Variants in RMND5A observed in about 807,000 individuals in gnomAD.
RMND5A encodes the protein required for meiotic nuclear division 5 homolog A, also known as E3 ubiquitin-protein transferase RMND5A.
RMND5A carries 17 observed loss-of-function variants against 49.7 expected under a neutral mutation model. The ratio of observed to expected loss-of-function variants is 0.34; its 90% confidence interval spans 0.23 to 0.51. RMND5A has a LOEUF of 0.51. Ranked by LOEUF, RMND5A falls within the 20% of genes least tolerant of loss-of-function variation. The pLI is 0.96. For missense variants in RMND5A, 255 were observed against 471.3 expected (o/e 0.54, Z 4.25); for synonymous variants, 156 against 167.7 (o/e 0.93, Z 0.54).
intron 4 of RMND5A, among the ~76,000 whole-genome samples, chr2:86,759,722 C>G (rs1681814176): frequency 6.8e-6 from 1 of 147,794 alleles, no homozygotes; most frequent in African/African-American, 2.5e-5. Context: ...ATCACTTGAA[C>G]CCGGGAGGCA....
At chr2:86,758,377 G>A (rs1449634022) in intron 4 of RMND5A, among the ~76,000 whole-genome samples, 1 of 144,910 alleles carries the variant, frequency 6.9e-6, no homozygotes, top group Non-Finnish European at 1.5e-5. Flanking sequence ...TTTTTTTTTT[G>A]GTGGCTGCTT....
At chr2:86,758,364 A>G (rs1426113446) in intron 4 of RMND5A, among the ~76,000 whole-genome samples, 2 of 143,870 alleles carry the variant, frequency 1.4e-5, no homozygotes, top group Non-Finnish European at 3.1e-5. Context: ...ATATAGAACT[A>G]TTTTTTTTTT....
chr2:86,758,117 T>C (rs1681777085), intron 4 of RMND5A, among the ~76,000 whole-genome samples: 1 of 151,966 alleles, frequency 6.6e-6, no homozygotes, highest in Admixed American at 6.6e-5. Context: ...GAGTCAGCAT[T>C]AAGTATCCCA....
At chr2:86,760,938 T>C (rs892576074) in intron 4 of RMND5A, among the ~76,000 whole-genome samples, 8 of 151,284 alleles carry the variant, frequency 5.3e-5, no homozygotes, top group Non-Finnish European at 1.2e-4. Context: ...ATGGAACATT[T>C]ACTTCTACTT....
In RMND5A at chr2:86,773,555, T is replaced by C. The variant is rs1432444214; in HGVS notation, c.*144T>C. ...CAGAAACTTTGCCAACCTGTTAGTGTACACACACTGAGGGGAGTGCTCCCG... is the reference window on the plus strand; with the variant it reads ...CAGAAACTTTGCCAACCTGTTAGTGCACACACACTGAGGGGAGTGCTCCCG... On this transcript the variant is annotated 3_prime_UTR_variant, in exon 9 of 9. Transcript: ENST00000283632. 2.7e-5 allele frequency: 15 copies of C among 555,132 alleles called. No homozygotes were observed. In the Admixed American group the frequency reaches 3.5e-4, roughly 13 times the overall value. The allele number at this position is 555,132 out of a possible 1,614,324, so 34.4% of individuals were successfully genotyped here.
At chr2:86,765,606 A>G in intron 5 of RMND5A, 1 of 410,208 alleles carries the variant, frequency 2.4e-6, no homozygotes, top group Non-Finnish European at 4.4e-6. Context: ...TCTCTAGGTA[A>G]TGGTAATTAT....
intron 6 of RMND5A, among the ~76,000 whole-genome samples, chr2:86,768,270 A>G (rs1672633423): frequency 6.6e-6 from 1 of 152,216 alleles, no homozygotes; most frequent in Admixed American, 6.5e-5. Context: ...ACTCTTTTTT[A>G]GCTCTTCTAT....
At position 86,720,408 on chromosome 2, in the gene RMND5A, C is replaced by T. The variant is rs1262584531; in HGVS notation, c.-260C>T. On this transcript the variant is annotated 5_prime_UTR_variant, in exon 1 of 9. Transcript: ENST00000283632. Reference sequence around the variant, plus strand: ...AGGCACCCGAACGTCGCGAGCGGGGCCTGGGGACGCGGAGCCGAGTGCAGC... The same window carrying T: ...AGGCACCCGAACGTCGCGAGCGGGGTCTGGGGACGCGGAGCCGAGTGCAGC... 3 of 174,562 alleles carry T rather than the reference C, an allele frequency of 1.7e-5. No homozygotes were observed. The East Asian group carries it at 4.9e-4, about 29-fold the overall frequency. The allele number at this position is 174,562 out of a possible 1,614,324, so 10.8% of individuals were successfully genotyped here. A position where few individuals can be genotyped will look rare whatever the true frequency, so the allele number is the denominator to read the frequency against.
intron 4 of RMND5A, among the ~76,000 whole-genome samples, chr2:86,762,730 A>G (rs1672524595): frequency 1.8e-5 from 1 of 55,648 alleles, no homozygotes; most frequent in Admixed American, 2.1e-4. Context: ...TATATATCAT[A>G]TATATCATAT....
chr2:86,746,152 T>C (rs1160578494), intron 2 of RMND5A, among the ~76,000 whole-genome samples: 1 of 152,194 alleles, frequency 6.6e-6, no homozygotes, highest in Non-Finnish European at 1.5e-5. Context: ...TGGTATGTGA[T>C]AAACAAGGTC....
chr2:86,777,804 A>G lies in RMND5A; in HGVS notation c.*4393A>G, dbSNP rs1265122923. The G allele has an allele frequency of 6.6e-6, 1 of 152,198 alleles. No homozygotes were observed. Among genetic ancestry groups the G allele is most frequent in the South Asian group, 2.1e-4 (1 of 4,826 alleles). The allele number at this position is 152,198 out of a possible 1,614,324, so 9.4% of individuals were successfully genotyped here. ...TAACAATAAACCTTATTTAACACAA[A>G]CCACATCCATATCCTCTGTTCATTT... On this transcript the variant is annotated 3_prime_UTR_variant, in exon 9 of 9. Coordinates refer to ENST00000283632, the MANE Select transcript of RMND5A (RefSeq NM_022780.4).
chr2:86,752,117 C>A, intron 3 of RMND5A, 87 bp downstream of exon 3: 2 of 1,163,616 alleles, frequency 1.7e-6, no homozygotes, highest in Non-Finnish European at 2.4e-6. Flanking sequence ...GGTTTTGAGT[C>A]TTCCTCTAGC....
At chr2:86,761,346 G>A (rs1005429569) in intron 4 of RMND5A, among the ~76,000 whole-genome samples, 2 of 152,168 alleles carry the variant, frequency 1.3e-5, no homozygotes, top group Non-Finnish European at 2.9e-5. Flanking sequence ...AGGCAGCTGC[G>A]GAGAGTGACT....
chr2:86,761,669 G>A (rs181061735), intron 4 of RMND5A, among the ~76,000 whole-genome samples: 6 of 152,300 alleles, frequency 3.9e-5, no homozygotes, highest in East Asian at 3.9e-4. Flanking sequence ...TTTCAGAATA[G>A]GATGCAAAGA....
intron 4 of RMND5A, among the ~76,000 whole-genome samples, chr2:86,764,154 C>G (rs1386400872): frequency 6.6e-6 from 1 of 152,110 alleles, no homozygotes; most frequent in East Asian, 1.9e-4. Context: ...TATTCTTACC[C>G]AGTTCAGATT....
At chr2:86,748,208 A>G (rs1041218457) in intron 2 of RMND5A, 1 of 152,220 alleles carries the variant, frequency 6.6e-6, no homozygotes, top group African/African-American at 2.4e-5. Context: ...GCTCTGATGC[A>G]ACAGTGAGTA....
intron 4 of RMND5A, among the ~76,000 whole-genome samples, chr2:86,755,381 C>T (rs13004867): frequency 1.6e-4 from 24 of 152,226 alleles, no homozygotes; most frequent in Non-Finnish European, 2.6e-4. Flanking sequence ...GTCAGCTGCC[C>T]GAAGTACTGG....
intron 7 of RMND5A, among the ~76,000 whole-genome samples, chr2:86,771,130 A>C (rs549691341): frequency 1.4e-3 from 194 of 142,368 alleles, no homozygotes; most frequent in Admixed American, 2.8e-3. Context: ...CTCCTGCTCT[A>C]CTGCCGCTAA....
chr2:86,743,051 G>A (rs1215157431), intron 2 of RMND5A, among the ~76,000 whole-genome samples: 1 of 152,128 alleles, frequency 6.6e-6, no homozygotes, highest in Admixed American at 6.6e-5. Context: ...TTTTTGTCCT[G>A]TCATGATGAT....
Sources: allele counts gnomAD v4.1 joint callset (sites outside exome capture counted in the v4.1 genomes callset), GRCh38; gene constraint gnomAD v4.1.1; transcripts MANE v1.5; gene names NCBI Gene and HGNC (gene_info 2026-07-23, HGNC 2026-07-21).